The following GPR158 variants were observed in gnomAD, a reference collection of about 807,000 sequenced individuals.
GPR158 encodes metabotropic glycine receptor.
In GPR158, 30 loss-of-function variants were observed where a neutral mutation model predicts 78.2. The ratio of observed to expected loss-of-function variants is 0.38; its 90% CI spans 0.29 to 0.52. GPR158 has a LOEUF of 0.52. Among genes scored for constraint, GPR158 ranks in the 20% least tolerant of loss-of-function variants. The pLI, the probability that GPR158 is intolerant of heterozygous loss-of-function variation, is 0.83. For synonymous variants in GPR158, 581 were observed against 591.1 expected (o/e 0.98, Z 0.25); for missense variants, 1,463 against 1,523.5 (o/e 0.96, Z 0.66).
At chr10:25,581,693 A>G (rs546504129) in intron 7 of GPR158, among the ~76,000 whole-genome samples, 3 of 152,308 alleles carry the variant, frequency 2.0e-5, no homozygotes, top group South Asian at 2.1e-4. Flanking sequence ...GTGAATTTCT[A>G]GTGATGCAGC....
At chr10:25,316,112 C>G (rs896642593) in intron 2 of GPR158, among the ~76,000 whole-genome samples, 2 of 152,098 alleles carry the variant, frequency 1.3e-5, no homozygotes, top group African/African-American at 4.8e-5. Context: ...CAGTCTAATT[C>G]TCTTACGCTA....
chr10:25,252,625 CA>C (rs1376188660), intron 2 of GPR158, among the ~76,000 whole-genome samples: 2 of 152,000 alleles, frequency 1.3e-5, no homozygotes, highest in Non-Finnish European at 2.9e-5. Context: ...TTAGGCTGCT[CA>C]GGGGTCAGGG....
At chr10:25,581,799 A>T (rs1201080214) in intron 7 of GPR158, among the ~76,000 whole-genome samples, 3 of 152,188 alleles carry the variant, frequency 2.0e-5, no homozygotes, top group Non-Finnish European at 4.4e-5. Flanking sequence ...TCCCATATCC[A>T]GTTCCCTCCC....
chr10:25,296,012 T>C (rs1854507495), intron 2 of GPR158, among the ~76,000 whole-genome samples: 1 of 147,310 alleles, frequency 6.8e-6, no homozygotes, highest in African/African-American at 2.5e-5. Flanking sequence ...GCAGTGCTTT[T>C]AGTAAAAGGG....
chr10:25,555,590 G>T (rs1324968260), intron 6 of GPR158, among the ~76,000 whole-genome samples: 1 of 152,130 alleles, frequency 6.6e-6, no homozygotes, highest in African/African-American at 2.4e-5. Flanking sequence ...AGAATAGCCA[G>T]ATATATTTTC....
chr10:25,224,585 C>T (rs2807232), intron 2 of GPR158, among the ~76,000 whole-genome samples: 22,117 of 151,644 alleles, frequency 0.15, 2,063 homozygotes, highest in East Asian at 0.3. Context: ...GATTATGTCA[C>T]AATTTTTGAA....
chr10:25,284,872 A>G (rs1411307751), intron 2 of GPR158, among the ~76,000 whole-genome samples: 1 of 152,086 alleles, frequency 6.6e-6, no homozygotes, highest in Non-Finnish European at 1.5e-5. Flanking sequence ...ATATAGTATA[A>G]ATACTTTATA....
intron 2 of GPR158, among the ~76,000 whole-genome samples, chr10:25,238,532 A>G (rs11014454): frequency 0.059 from 8,991 of 152,274 alleles, 920 homozygotes; most frequent in African/African-American, 0.21. Flanking sequence ...ATGATTGCTT[A>G]GTGTGGTTTA....
intron 1 of GPR158, among the ~76,000 whole-genome samples, chr10:25,205,781 TGTG>T (rs1261216930): frequency 1.1e-4 from 16 of 152,296 alleles, no homozygotes; most frequent in South Asian, 2.1e-4. Flanking sequence ...TCTATTGCAC[TGTG>T]GTCTGAGAGT....
At chr10:25,274,618 T>C (rs1854159205) in intron 2 of GPR158, among the ~76,000 whole-genome samples, 1 of 152,124 alleles carries the variant, frequency 6.6e-6, no homozygotes. Flanking sequence ...GGTCAGAATG[T>C]GATCCACACT....
chr10:25,176,054 C>T lies in GPR158; in HGVS notation c.634C>T (p.His212Tyr). ...LLQDLSSSAP[H>Y]LANATLETEW... is the part of the protein sequence containing the mutation. ...CCAAGACCTGTCCTCCTCCGCACCC[C>T]ACCTGGCCAACGCCACTCTGGAGAC... Residue 212 changes from histidine to tyrosine, a missense_variant, in exon 1 of 11, where the codon CAC becomes TAC. His to Tyr is a moderately conservative substitution (Grantham distance 83). Transcript: ENST00000376351. This position sits in a 1 kb window ranked among gnomAD's most constrained non-coding sequence, Gnocchi z 6.3. The T allele has an allele frequency of 6.2e-7, 1 of 1,607,614 alleles. No individual in the cohort carries two copies. The highest frequency in any genetic ancestry group is 1.7e-5 in the Admixed American group (1 of 59,074).
At position 25,405,498 on chromosome 10, in the gene GPR158, C is replaced by CTTTTTTT. The variant is rs59695469; in HGVS notation, c.1112-6728_1112-6722dup. Among the ~76,000 whole-genome samples the CTTTTTTT allele has an allele frequency of 9.4e-4, 43 of 45,540 alleles. 7 individuals are homozygous for CTTTTTTT. The highest frequency in any genetic ancestry group is 1.2e-3 in the African/African-American group (16 of 13,526). 29.9% of individuals were successfully genotyped at this position (45,540 alleles called of 152,430 possible). The stretch of plus-strand genomic sequence containing the variant: ...AAAATCTGACAAGAGAAACAATTTC[C>CTTTTTTT]TTTTTTTTTTTTTTTTTTTTTTTTT... On this transcript the variant is annotated intron_variant, in intron 3 of 10. Coordinates refer to ENST00000376351, the MANE Select transcript of GPR158 (RefSeq NM_020752.3).
intron 4 of GPR158, among the ~76,000 whole-genome samples, chr10:25,430,265 C>A (rs1344667855): frequency 4.0e-5 from 6 of 150,984 alleles, no homozygotes; most frequent in African/African-American, 1.5e-4. Flanking sequence ...TTCACAATTG[C>A]TTCAAAGAGA....
chr10:25,532,502 G>T (rs1317675072), intron 5 of GPR158, among the ~76,000 whole-genome samples: 1 of 151,890 alleles, frequency 6.6e-6, no homozygotes, highest in African/African-American at 2.4e-5. Flanking sequence ...TTGAGGTCTG[G>T]AGTTCTTAAG....
chr10:25,411,933 C>CAAAAAAAAA (rs1164005677), intron 3 of GPR158, among the ~76,000 whole-genome samples: 4 of 47,486 alleles, frequency 8.4e-5, no homozygotes, highest in Admixed American at 3.8e-4. Flanking sequence ...GACTCTATCA[C>CAAAAAAAAA]AAAAAAAAAA....
intron 7 of GPR158, among the ~76,000 whole-genome samples, chr10:25,576,059 T>C (rs1837090891): frequency 1.1e-5 from 1 of 95,160 alleles, no homozygotes; most frequent in African/African-American, 2.8e-5. Flanking sequence ...CTGTTGTTGT[T>C]TTTTTTTTCC....
At chr10:25,433,579 G>GCA (rs1251301125) in intron 4 of GPR158, among the ~76,000 whole-genome samples, 101 of 144,062 alleles carry the variant, frequency 7.0e-4, no homozygotes, top group Non-Finnish European at 1.0e-3. Context: ...GTGCGCGCGC[G>GCA]CGTGCGCGTG....
chr10:25,430,843 C>T (rs1342114470), intron 4 of GPR158, among the ~76,000 whole-genome samples: 2 of 151,634 alleles, frequency 1.3e-5, no homozygotes, highest in Non-Finnish European at 2.9e-5. Context: ...CTTCCTTACA[C>T]CTTATACAAA....
intron 4 of GPR158, among the ~76,000 whole-genome samples, chr10:25,465,253 C>T (rs1835406348): frequency 6.6e-6 from 1 of 152,082 alleles, no homozygotes; most frequent in Non-Finnish European, 1.5e-5. Flanking sequence ...GATATTTACA[C>T]CACGTGTAAT....
Sources: allele counts gnomAD v4.1 joint callset (sites outside exome capture counted in the v4.1 genomes callset), GRCh38; gene constraint gnomAD v4.1.1; non-coding constraint Gnocchi (gnomAD v3.1); transcripts MANE v1.5; gene names NCBI Gene and HGNC (gene_info 2026-07-23, HGNC 2026-07-21).